PLXDC2: variants seen among roughly 807,000 people sequenced by gnomAD.
PLXDC2 encodes the protein plexin domain-containing protein 2.
Under a neutral mutation model 68.9 loss-of-function variants are expected in PLXDC2, and 40 were observed. That is an observed-to-expected ratio of 0.58 (90% CI 0.45 to 0.76). PLXDC2 has a LOEUF of 0.76. Among genes scored for constraint, PLXDC2 ranks in the 30% least tolerant of loss-of-function variants. The probability of loss-of-function intolerance (pLI) is 0.00; values close to 1 mark genes in which losing one functional copy is unlikely to be tolerated. For missense variants in PLXDC2, 644 were observed against 661.9 expected, an observed-to-expected ratio of 0.97 and a Z score of 0.30; for synonymous variants, 243 against 234.2, an observed-to-expected ratio of 1.04 and a Z score of -0.34.
intron 4 of PLXDC2, among the ~76,000 whole-genome samples, chr10:20,109,679 G>C (rs1351831739): frequency 6.6e-6 from 1 of 152,264 alleles, no homozygotes; most frequent in East Asian, 1.9e-4. Context: ...GGCCATCTCA[G>C]TGAAGAAGGT....
At chr10:20,187,393 G>A (rs1217414250) in intron 9 of PLXDC2, among the ~76,000 whole-genome samples, 1 of 151,706 alleles carries the variant, frequency 6.6e-6, no homozygotes, top group Non-Finnish European at 1.5e-5. Context: ...AGGGTACAGT[G>A]TGATATTTTA....
At chr10:19,896,477 T>C (rs773255313) in intron 1 of PLXDC2, among the ~76,000 whole-genome samples, 4 of 152,228 alleles carry the variant, frequency 2.6e-5, no homozygotes, top group Non-Finnish European at 4.4e-5. Flanking sequence ...GGAATGAGTA[T>C]AAAGTACCAG....
chr10:20,014,485 TTC>T (rs1236881711), intron 2 of PLXDC2, among the ~76,000 whole-genome samples: 1 of 151,566 alleles, frequency 6.6e-6, no homozygotes, highest in African/African-American at 2.4e-5. Flanking sequence ...TTTCCTTTCT[TTC>T]TCTCTTTCTG....
chr10:19,887,558 C>A (rs10827895), intron 1 of PLXDC2, among the ~76,000 whole-genome samples: 36,079 of 151,780 alleles, frequency 0.24, 4,631 homozygotes, highest in East Asian at 0.36. Flanking sequence ...ACAAAAAAAA[C>A]CCCGAAGACT....
At chr10:20,184,036 G>A (rs966473265) in intron 9 of PLXDC2, among the ~76,000 whole-genome samples, 1 of 139,542 alleles carries the variant, frequency 7.2e-6, no homozygotes, top group Non-Finnish European at 1.6e-5. Flanking sequence ...AGAATAAACA[G>A]AATAAGCCCC....
chr10:19,954,625 C>T (rs75740652), intron 1 of PLXDC2, among the ~76,000 whole-genome samples: 2,724 of 152,176 alleles, frequency 0.018, 47 homozygotes, highest in Admixed American at 0.032. Context: ...TGAATTATTT[C>T]GGACTGACTA....
At chr10:19,860,675 C>T (rs1837302262) in intron 1 of PLXDC2, among the ~76,000 whole-genome samples, 1 of 152,160 alleles carries the variant, frequency 6.6e-6, no homozygotes, top group African/African-American at 2.4e-5. Flanking sequence ...ACCCAGGGCC[C>T]AGCACCACCT....
At chr10:20,244,650 T>A (rs1554778198) in intron 12 of PLXDC2, among the ~76,000 whole-genome samples, 1 of 152,216 alleles carries the variant, frequency 6.6e-6, no homozygotes, top group Non-Finnish European at 1.5e-5. Context: ...AATTTAAAAT[T>A]TCCAAAAGAA....
At chr10:20,122,185 A>C (rs1735392180) in intron 4 of PLXDC2, among the ~76,000 whole-genome samples, 2 of 152,068 alleles carry the variant, frequency 1.3e-5, no homozygotes, top group African/African-American at 4.8e-5. Context: ...TGCTTAAAAG[A>C]GTATTGTCTA....
At chr10:20,061,324 A>G (rs934909962) in intron 3 of PLXDC2, among the ~76,000 whole-genome samples, 3 of 152,204 alleles carry the variant, frequency 2.0e-5, no homozygotes, top group Non-Finnish European at 4.4e-5. Context: ...ACACTTAAAG[A>G]GTATTGGCCA....
At chr10:19,859,474 G>A (rs1222565344) in intron 1 of PLXDC2, among the ~76,000 whole-genome samples, 1 of 151,854 alleles carries the variant, frequency 6.6e-6, no homozygotes, top group Non-Finnish European at 1.5e-5. Context: ...TATTGAAATT[G>A]CATATTGATA....
intron 1 of PLXDC2, among the ~76,000 whole-genome samples, chr10:19,919,225 T>G (rs1833418779): frequency 6.6e-6 from 1 of 152,260 alleles, no homozygotes; most frequent in Non-Finnish European, 1.5e-5. Context: ...TGTCATATTC[T>G]TATCCAAAAG....
intron 12 of PLXDC2, among the ~76,000 whole-genome samples, chr10:20,239,785 C>T (rs564578280): frequency 6.6e-6 from 1 of 152,274 alleles, no homozygotes; most frequent in South Asian, 2.1e-4. Flanking sequence ...CACATATGGA[C>T]ATCTTAGTTT....
intron 9 of PLXDC2, among the ~76,000 whole-genome samples, chr10:20,201,325 A>G (rs763239077): frequency 1.3e-5 from 2 of 152,068 alleles, no homozygotes; most frequent in African/African-American, 4.8e-5. Context: ...ATTCATATGC[A>G]GAAGCTTTAA....
chr10:20,041,669 C>T (rs1835685441), intron 2 of PLXDC2, among the ~76,000 whole-genome samples: 1 of 152,042 alleles, frequency 6.6e-6, no homozygotes, highest in African/African-American at 2.4e-5. Context: ...GTCTTGTCAG[C>T]TTGAGATGCC....
At chr10:20,202,671 GT>G (rs1834936064) in intron 9 of PLXDC2, among the ~76,000 whole-genome samples, 1 of 152,140 alleles carries the variant, frequency 6.6e-6, no homozygotes, top group Non-Finnish European at 1.5e-5. Context: ...TGTGAGAATA[GT>G]TTTGCGAGCA....
intron 12 of PLXDC2, among the ~76,000 whole-genome samples, chr10:20,238,269 C>A (rs1835460652): frequency 6.6e-6 from 1 of 150,766 alleles, no homozygotes; most frequent in South Asian, 2.1e-4. Context: ...TCTTTATTTT[C>A]CATGATTCAT....
At chr10:20,121,917 A>G (rs1057231529) in intron 4 of PLXDC2, among the ~76,000 whole-genome samples, 2 of 152,156 alleles carry the variant, frequency 1.3e-5, no homozygotes, top group African/African-American at 2.4e-5. Flanking sequence ...ATTGGCATCA[A>G]TCGGGGTAAG....
At chr10:19,874,706 T>A (rs576094524) in intron 1 of PLXDC2, among the ~76,000 whole-genome samples, 27 of 152,308 alleles carry the variant, frequency 1.8e-4, no homozygotes, top group Admixed American at 1.7e-3. Flanking sequence ...TTGAAAGAAA[T>A]AACATTTGAA....
Sources: allele counts gnomAD v4.1 joint callset (sites outside exome capture counted in the v4.1 genomes callset), GRCh38; gene constraint gnomAD v4.1.1; transcripts MANE v1.5; gene names NCBI Gene and HGNC (gene_info 2026-07-23, HGNC 2026-07-21).